The following ARHGEF7 variants were observed in gnomAD, a reference collection of about 807,000 sequenced individuals.
The protein encoded by ARHGEF7 is PAK-interacting exchange factor beta.
Under a neutral mutation model 109.8 loss-of-function variants are expected in ARHGEF7, and 33 were observed. The ratio of observed to expected loss-of-function variants is 0.30; its 90% CI spans 0.23 to 0.40. The LOEUF is 0.40. Ranked by LOEUF, ARHGEF7 falls within the 10% of genes least tolerant of loss-of-function variation. ARHGEF7 has a pLI of 1.00. For synonymous variants in ARHGEF7, 458 were observed against 424.6 expected (o/e 1.08, Z -0.97); for missense variants, 938 against 1,098.5 (o/e 0.85, Z 2.07).
At chr13:111,271,971 A>G (rs1290555014) in intron 9 of ARHGEF7, among the ~76,000 whole-genome samples, 1 of 152,208 alleles carries the variant, frequency 6.6e-6, no homozygotes, top group Non-Finnish European at 1.5e-5. Flanking sequence ...ACAGCATAGG[A>G]CTGCACCCTG....
rs1293300535 is a variant in ARHGEF7, at chr13:111,273,434, TG to T, written c.1074-379del. On this transcript the variant is annotated intron_variant, in intron 9 of 21. Coordinates refer to ENST00000646102, the MANE Select transcript of ARHGEF7 (RefSeq NM_001354046.2). This position sits in a 1 kb window ranked among gnomAD's most constrained non-coding sequence, Gnocchi z 4.5. Reference sequence around the variant, plus strand: ...CTCTTTACCGGAGCAGCTCGGTCCTTGTTCTACCACCTTGAGACTCTGAGAT... The same window carrying T: ...CTCTTTACCGGAGCAGCTCGGTCCTTTTCTACCACCTTGAGACTCTGAGAT... Among the ~76,000 whole-genome samples, 6 of 152,240 alleles carry T rather than the reference TG, an allele frequency of 3.9e-5. No individual in the cohort carries two copies. Among genetic ancestry groups the T allele is most frequent in the Admixed American group, 3.9e-4 (6 of 15,292 alleles).
intron 1 of ARHGEF7, among the ~76,000 whole-genome samples, chr13:111,127,199 C>T (rs1483269479): frequency 6.6e-6 from 1 of 152,126 alleles, no homozygotes; most frequent in Non-Finnish European, 1.5e-5. Context: ...ACGAAGCTCA[C>T]TAAAGAAGAA....
chr13:111,252,657 C>T (rs1260707775), intron 8 of ARHGEF7, among the ~76,000 whole-genome samples: 1 of 152,166 alleles, frequency 6.6e-6, no homozygotes, highest in Non-Finnish European at 1.5e-5. Flanking sequence ...CATGTACAGA[C>T]CTACTATTTA....
chr13:111,149,649 C>T (rs2075793998), intron 1 of ARHGEF7, among the ~76,000 whole-genome samples: 1 of 152,282 alleles, frequency 6.6e-6, no homozygotes, highest in East Asian at 1.9e-4. Context: ...CTTACAAGTA[C>T]TCATATGCAG....
In ARHGEF7 at chr13:111,276,369, T is replaced by C. The variant is rs112083303; in HGVS notation, c.1419+691T>C. Among the ~76,000 whole-genome samples, 404 of 152,342 alleles carry C rather than the reference T, an allele frequency of 2.7e-3. 4 individuals are homozygous for C. Among genetic ancestry groups the C allele is most frequent in the African/African-American group, 9.3e-3 (386 of 41,568 alleles). Reference sequence around the variant, plus strand: ...TAAGAAAACTAAAACTTCAAACTTATATAGTGTGTTTTCCTTTCCACCTGT... The same window carrying C: ...TAAGAAAACTAAAACTTCAAACTTACATAGTGTGTTTTCCTTTCCACCTGT... On this transcript the variant is annotated intron_variant, in intron 12 of 21. Transcript: ENST00000646102.
intron 1 of ARHGEF7, among the ~76,000 whole-genome samples, chr13:111,149,166 T>C (rs1034973169): frequency 6.6e-5 from 10 of 151,962 alleles, no homozygotes; most frequent in African/African-American, 2.2e-4. Context: ...TCCCAGCACT[T>C]TGGGAGTCTG....
intron 3 of ARHGEF7, 29 bp from the exon 4 acceptor site, chr13:111,209,843 C>T: frequency 6.2e-7 from 1 of 1,609,302 alleles, no homozygotes; most frequent in Non-Finnish European, 8.5e-7. Context: ...GCTCTCAGCT[C>T]TCTTTTTCTG....
At chr13:111,243,801 C>A in intron 6 of ARHGEF7, 71 bp from the exon 7 acceptor site, 1 of 992,048 alleles carries the variant, frequency 1.0e-6, no homozygotes, top group South Asian at 1.5e-5. Flanking sequence ...ATGAACTGTC[C>A]AAAGTGTATA....
At chr13:111,212,028 C>G (rs2082561159) in intron 4 of ARHGEF7, among the ~76,000 whole-genome samples, 1 of 152,174 alleles carries the variant, frequency 6.6e-6, no homozygotes, top group South Asian at 2.1e-4. Context: ...TGTGTTGCTC[C>G]TTCATTACCT....
At chr13:111,257,588 T>A (rs1313355310) in intron 8 of ARHGEF7, among the ~76,000 whole-genome samples, 1 of 152,220 alleles carries the variant, frequency 6.6e-6, no homozygotes, top group African/African-American at 2.4e-5. Context: ...TGAACAACTC[T>A]CCACACGAAG....
At chr13:111,174,796 A>G (rs763561154) in intron 2 of ARHGEF7, among the ~76,000 whole-genome samples, 1 of 152,176 alleles carries the variant, frequency 6.6e-6, no homozygotes, top group East Asian at 1.9e-4. Context: ...AGGAGAGGAA[A>G]CACCGGGAGG....
chr13:111,159,048 C>G (rs761695871), intron 2 of ARHGEF7: 4 of 718,488 alleles, frequency 5.6e-6, no homozygotes, highest in South Asian at 4.4e-5. Flanking sequence ...TCCTTCCCAG[C>G]CTCCTCAGCA....
At chr13:111,226,585 A>AC (rs2085241091) in intron 5 of ARHGEF7, among the ~76,000 whole-genome samples, 1 of 152,012 alleles carries the variant, frequency 6.6e-6, no homozygotes, top group South Asian at 2.1e-4. Flanking sequence ...CACTTTAGAG[A>AC]CCTCCCACTC....
At chr13:111,220,568 A>G (rs2083699216) in intron 5 of ARHGEF7, among the ~76,000 whole-genome samples, 1 of 152,128 alleles carries the variant, frequency 6.6e-6, no homozygotes, top group Non-Finnish European at 1.5e-5. Context: ...GACACATTTG[A>G]ATGTCGTCAG....
At chr13:111,222,843 A>C (rs1297830228) in intron 5 of ARHGEF7, among the ~76,000 whole-genome samples, 1 of 152,262 alleles carries the variant, frequency 6.6e-6, no homozygotes, top group African/African-American at 2.4e-5. Flanking sequence ...TCAGTACAGC[A>C]GACTTCCCTC....
At chr13:111,271,003 T>C (rs141276068) in intron 9 of ARHGEF7, among the ~76,000 whole-genome samples, 1,855 of 152,300 alleles carry the variant, frequency 0.012, 37 homozygotes, top group African/African-American at 0.042. Context: ...GGGCCGGCCA[T>C]GCCATCCACA....
At chr13:111,197,244 C>T (rs546596420) in intron 2 of ARHGEF7, among the ~76,000 whole-genome samples, 2 of 152,092 alleles carry the variant, frequency 1.3e-5, no homozygotes, top group African/African-American at 4.8e-5. Context: ...GCAGCAGAAA[C>T]ACCTCTTGCC....
chr13:111,121,844 C>T (rs1410302668), intron 1 of ARHGEF7, among the ~76,000 whole-genome samples: 1 of 152,110 alleles, frequency 6.6e-6, no homozygotes, highest in African/African-American at 2.4e-5. Context: ...TTTCTTCCTC[C>T]TAAAAATGAG....
At position 111,123,867 on chromosome 13, in the gene ARHGEF7, C is replaced by CCA. The variant is rs1555339521; in HGVS notation, c.165+8177_165+8178insAC. ...ATCGTTGGCTGGTGGGCTGCGCCCC[C>CCA]CCCCCCCGGCCCCGCCCCCTGCCCC... On this transcript the variant is annotated intron_variant, in intron 1 of 21. Transcript: ENST00000646102. 4.9e-5 allele frequency among the ~76,000 whole-genome samples: 7 copies of CCA among 142,756 alleles called. 1 individual carries two copies. In the East Asian group the frequency reaches 1.4e-3, roughly 30 times the overall value. 93.7% of individuals were successfully genotyped at this position (142,756 alleles called of 152,430 possible).
Sources: gnomAD v4.1 joint callset for allele counts (sites outside exome capture counted in the v4.1 genomes callset) on GRCh38, gnomAD v4.1.1 for gene constraint, Gnocchi (gnomAD v3.1) non-coding constraint, MANE v1.5 for transcripts, NCBI Gene and HGNC (gene_info 2026-07-23, HGNC 2026-07-21) for gene names.